The following GPR176 variants were observed in gnomAD, a reference collection of about 807,000 sequenced individuals.
The protein encoded by GPR176 is G protein-coupled receptor 176.
A neutral mutation model predicts 35.4 loss-of-function variants in GPR176; 26 were observed. The ratio of observed to expected loss-of-function variants is 0.74; its 90% CI spans 0.54 to 1.02. GPR176 has a LOEUF of 1.02. GPR176 is among the 50% of genes least tolerant of loss of function. GPR176 has a pLI of 0.00. For synonymous variants in GPR176, 278 were observed against 271.3 expected, an observed-to-expected ratio of 1.02 and a Z score of -0.24; for missense variants, 597 against 665.3, an observed-to-expected ratio of 0.90 and a Z score of 1.13.
At chr15:39,828,041 C>T (rs1900801327) in intron 1 of GPR176, among the ~76,000 whole-genome samples, 1 of 152,184 alleles carries the variant, frequency 6.6e-6, no homozygotes, top group African/African-American at 2.4e-5. Flanking sequence ...AAATGTGTGA[C>T]TTAATTTGTT....
chr15:39,831,278 CCTAA>C (rs1595460410), intron 1 of GPR176, among the ~76,000 whole-genome samples: 1 of 152,060 alleles, frequency 6.6e-6, no homozygotes, highest in African/African-American at 2.4e-5. Context: ...TGTTCCTATC[CCTAA>C]CTTTCTTTTC....
intron 1 of GPR176, among the ~76,000 whole-genome samples, chr15:39,896,635 G>A (rs1338577497): frequency 6.6e-6 from 1 of 152,166 alleles, no homozygotes; most frequent in African/African-American, 2.4e-5. Flanking sequence ...GCTGACTCAA[G>A]GACAAAACAC....
chr15:39,907,552 A>G (rs1283151247), intron 1 of GPR176, among the ~76,000 whole-genome samples: 1 of 152,004 alleles, frequency 6.6e-6, no homozygotes, highest in Non-Finnish European at 1.5e-5. Context: ...TTTCATCCAC[A>G]CCCCATAATT....
At chr15:39,848,489 C>G (rs927190436) in intron 1 of GPR176, among the ~76,000 whole-genome samples, 1 of 151,896 alleles carries the variant, frequency 6.6e-6, no homozygotes, top group Non-Finnish European at 1.5e-5. Context: ...TAGAACATAC[C>G]GCCCAGCAAC....
intron 1 of GPR176, chr15:39,829,400 A>G (rs1900911217): frequency 8.5e-7 from 1 of 1,169,984 alleles, no homozygotes; most frequent in Non-Finnish European, 1.1e-6. Context: ...CAAATCTAGG[A>G]AAGCCCTGTA....
At chr15:39,889,766 A>G (rs2032805630) in intron 1 of GPR176, among the ~76,000 whole-genome samples, 1 of 152,108 alleles carries the variant, frequency 6.6e-6, no homozygotes, top group Non-Finnish European at 1.5e-5. Flanking sequence ...GTTCCCTACT[A>G]TATCCCTAGT....
At chr15:39,832,713 T>C (rs1177143148) in intron 1 of GPR176, among the ~76,000 whole-genome samples, 1 of 148,862 alleles carries the variant, frequency 6.7e-6, no homozygotes, top group Non-Finnish European at 1.5e-5. Context: ...CTTAAGAAAG[T>C]TTACAAATTT....
Position 39,801,564 on chromosome 15 carries a change from C to T in GPR176, c.1116G>A (p.Met372Ile). Residue 372 changes from methionine (M) to isoleucine (I), a missense_variant, in exon 3 of 3, where the codon ATG becomes ATA. Physicochemically the swap from Met to Ile is conservative, Grantham distance 10. Transcript: ENST00000561100. The part of the protein sequence containing the change: ...SIRSGSQLLE[M>I]FHIGQQQIFK... ...AGATCTGCTGCTGCCCAATGTGGAA[C>T]ATCTCCAGGAGCTGGCTACCCGAGC... 1 of 1,614,186 alleles carries T rather than the reference C, an allele frequency of 6.2e-7. No individual in the cohort carries two copies.
In GPR176 at chr15:39,801,125, A is replaced by G. The variant is rs1315907768; in HGVS notation, c.*7T>C. Reference sequence around the variant, plus strand: ...TCCCCGTTGCTTCCAAGAATTTACAATCCTTGCTAGGAATCCACCTTTGGA... The same window carrying G: ...TCCCCGTTGCTTCCAAGAATTTACAGTCCTTGCTAGGAATCCACCTTTGGA... On this transcript the variant is annotated 3_prime_UTR_variant, in exon 3 of 3. Coordinates refer to ENST00000561100, the MANE Select transcript of GPR176 (RefSeq NM_007223.3). 1 of 1,581,044 alleles carries G rather than the reference A, an allele frequency of 6.3e-7. No individual in the cohort carries two copies. The highest frequency in any genetic ancestry group is 8.6e-7 in the Non-Finnish European group (1 of 1,162,024).
chr15:39,891,195 T>C (rs985599888), intron 1 of GPR176, among the ~76,000 whole-genome samples: 1 of 152,064 alleles, frequency 6.6e-6, no homozygotes, highest in Non-Finnish European at 1.5e-5. Flanking sequence ...GCTTAGCAAA[T>C]AGACTAGAGC....
At chr15:39,850,733 A>T (rs142403258) in intron 1 of GPR176, among the ~76,000 whole-genome samples, 34 of 152,304 alleles carry the variant, frequency 2.2e-4, no homozygotes, top group African/African-American at 7.0e-4. Flanking sequence ...TTGGGTTAAG[A>T]GTACATGGGA....
At chr15:39,802,814 T>C (rs1389465874) in intron 2 of GPR176, among the ~76,000 whole-genome samples, 1 of 152,230 alleles carries the variant, frequency 6.6e-6, no homozygotes, top group Non-Finnish European at 1.5e-5. Context: ...GTATGAAGAA[T>C]GGACTCCGAC....
chr15:39,896,980 T>C (rs2140866959), intron 1 of GPR176, among the ~76,000 whole-genome samples: 1 of 152,348 alleles, frequency 6.6e-6, no homozygotes, highest in East Asian at 1.9e-4. Context: ...TCTCTGGTTG[T>C]GGTTTCTTCG....
At chr15:39,905,743 G>A (rs539840449) in intron 1 of GPR176, among the ~76,000 whole-genome samples, 7 of 151,382 alleles carry the variant, frequency 4.6e-5, no homozygotes, top group African/African-American at 1.5e-4. Context: ...TTTCTATAAC[G>A]ATCTTGAATT....
At chr15:39,839,782 G>GA (rs1341631828) in intron 1 of GPR176, among the ~76,000 whole-genome samples, 2 of 152,154 alleles carry the variant, frequency 1.3e-5, no homozygotes, top group South Asian at 2.1e-4. Flanking sequence ...AAATTTACAA[G>GA]AAAAAATCAA....
intron 1 of GPR176, among the ~76,000 whole-genome samples, chr15:39,841,655 C>T (rs141153005): frequency 2.6e-3 from 396 of 152,204 alleles, no homozygotes; most frequent in African/African-American, 9.1e-3. Context: ...TCAGGGACAG[C>T]GTGGTCCTGC....
chr15:39,813,535 T>C (rs1390103228), intron 1 of GPR176: 2 of 152,244 alleles, frequency 1.3e-5, no homozygotes, highest in African/African-American at 4.8e-5. Flanking sequence ...GACTCTTACC[T>C]TTGCTTCTCT....
At chr15:39,911,704 G>C (rs1247814476) in intron 1 of GPR176, among the ~76,000 whole-genome samples, 1 of 152,190 alleles carries the variant, frequency 6.6e-6, no homozygotes, top group Admixed American at 6.5e-5. Flanking sequence ...AGGGCTACAT[G>C]CTTAGCTTAT....
At chr15:39,863,333 A>C (rs909544734) in intron 1 of GPR176, among the ~76,000 whole-genome samples, 4 of 151,384 alleles carry the variant, frequency 2.6e-5, no homozygotes, top group Admixed American at 2.0e-4. Flanking sequence ...TTTTAACAAA[A>C]AGTTTAAAAG....
Sources: gnomAD v4.1 joint callset for allele counts (sites outside exome capture counted in the v4.1 genomes callset) on GRCh38, gnomAD v4.1.1 for gene constraint, MANE v1.5 for transcripts, NCBI Gene and HGNC (gene_info 2026-07-23, HGNC 2026-07-21) for gene names.